The following LRRC7 variants were observed in gnomAD, a reference collection of about 807,000 sequenced individuals.
The protein encoded by LRRC7 is leucine-rich repeat-containing protein 7.
LRRC7 carries 23 observed loss-of-function variants against 175.7 expected under a neutral mutation model. The ratio of observed to expected loss-of-function variants is 0.13; its 90% CI spans 0.09 to 0.19. The LOEUF is 0.19. Ranked by LOEUF, LRRC7 falls within the 10% of genes least tolerant of loss-of-function variation. The pLI is 1.00. For missense variants in LRRC7, 1,354 were observed against 1,904.7 expected, an observed-to-expected ratio of 0.71 and a Z score of 5.38; for synonymous variants, 685 against 680.9, an observed-to-expected ratio of 1.01 and a Z score of -0.09.
chr1:70,094,769 G>A (rs1400820112), intron 25 of LRRC7, among the ~76,000 whole-genome samples: 1 of 152,002 alleles, frequency 6.6e-6, no homozygotes, highest in Admixed American at 6.6e-5. Flanking sequence ...GCGGGGCAAC[G>A]GCAAGTTCAA....
intron 22 of LRRC7, among the ~76,000 whole-genome samples, chr1:70,045,935 C>A (rs1660294368): frequency 6.6e-6 from 1 of 152,042 alleles, no homozygotes; most frequent in South Asian, 2.1e-4. Context: ...CTCCACCTGG[C>A]CCCACCCTTG....
intron 10 of LRRC7, among the ~76,000 whole-genome samples, chr1:69,990,388 A>T (rs1654324311): frequency 6.6e-6 from 1 of 152,132 alleles, no homozygotes. Context: ...GTCTAAGCAC[A>T]TATGATATAG....
chr1:69,612,040 T>G (rs1648843176), intron 1 of LRRC7, among the ~76,000 whole-genome samples: 1 of 152,112 alleles, frequency 6.6e-6, no homozygotes, highest in Non-Finnish European at 1.5e-5. Flanking sequence ...GGATCGACTG[T>G]AATTTCCTTC....
At chr1:69,813,556 A>C (rs1207952837) in intron 4 of LRRC7, among the ~76,000 whole-genome samples, 1 of 152,180 alleles carries the variant, frequency 6.6e-6, no homozygotes, top group Admixed American at 6.6e-5. Context: ...GAGAAGAAGC[A>C]TGTCTCATTT....
At chr1:69,689,801 T>C (rs1456871799) in intron 2 of LRRC7, among the ~76,000 whole-genome samples, 6 of 152,186 alleles carry the variant, frequency 3.9e-5, no homozygotes, top group Non-Finnish European at 7.4e-5. Flanking sequence ...ATACCTCGGG[T>C]TCCAGTTAAA....
chr1:69,989,588 ATGAGT>A, intron 10 of LRRC7, among the ~76,000 whole-genome samples: 1 of 152,152 alleles, frequency 6.6e-6, no homozygotes, highest in East Asian at 1.9e-4. Context: ...AATATTAAAA[ATGAGT>A]TAAGAGACAC....
At chr1:69,926,222 T>C (rs1422254621) in intron 7 of LRRC7, among the ~76,000 whole-genome samples, 3 of 134,378 alleles carry the variant, frequency 2.2e-5, no homozygotes, top group Non-Finnish European at 3.2e-5. Flanking sequence ...TACTTCCAAC[T>C]ATGTGGTCAA....
chr1:69,884,982 G>A (rs1339541936), intron 7 of LRRC7, among the ~76,000 whole-genome samples: 3 of 149,798 alleles, frequency 2.0e-5, no homozygotes, highest in Non-Finnish European at 4.4e-5. Context: ...GATCATGGTG[G>A]GTAAGCTTTT....
chr1:69,786,242 A>C (rs1674398893), intron 3 of LRRC7, among the ~76,000 whole-genome samples: 1 of 152,154 alleles, frequency 6.6e-6, no homozygotes, highest in Non-Finnish European at 1.5e-5. Context: ...GGGTTTAAAG[A>C]AGCCCCATAA....
At chr1:69,919,413 A>T (rs1646814097) in intron 7 of LRRC7, 1 of 777,054 alleles carries the variant, frequency 1.3e-6, no homozygotes, top group African/African-American at 1.7e-5. Flanking sequence ...GCCGCCCCTC[A>T]GGCCGAGGGT....
At chr1:69,925,047 G>A (rs994130564) in intron 7 of LRRC7, among the ~76,000 whole-genome samples, 35 of 152,176 alleles carry the variant, frequency 2.3e-4, no homozygotes, top group African/African-American at 7.0e-4. Flanking sequence ...TTCTGCATCT[G>A]TTGAGATAAT....
At chr1:69,943,573 G>A (rs928156282) in intron 8 of LRRC7, among the ~76,000 whole-genome samples, 1 of 152,080 alleles carries the variant, frequency 6.6e-6, no homozygotes, top group South Asian at 2.1e-4. Flanking sequence ...ACTCTAAAAG[G>A]GTGAATTTTA....
At chr1:70,081,044 T>C (rs1161661979) in intron 24 of LRRC7, among the ~76,000 whole-genome samples, 1 of 152,184 alleles carries the variant, frequency 6.6e-6, no homozygotes, top group Non-Finnish European at 1.5e-5. Flanking sequence ...TGAGGGGCTT[T>C]AAAAAACACT....
At chr1:69,735,315 C>T (rs1332513590) in intron 2 of LRRC7, among the ~76,000 whole-genome samples, 3 of 151,964 alleles carry the variant, frequency 2.0e-5, no homozygotes, top group Non-Finnish European at 2.9e-5. Context: ...CTCTGCATTT[C>T]TTCAATATGT....
At chr1:69,979,933 T>A (rs1653244254) in intron 8 of LRRC7, among the ~76,000 whole-genome samples, 1 of 152,026 alleles carries the variant, frequency 6.6e-6, no homozygotes, top group South Asian at 2.1e-4. Flanking sequence ...CATGGATGTT[T>A]GTGTGCAAGG....
chr1:69,718,299 G>T (rs551375643), intron 2 of LRRC7, among the ~76,000 whole-genome samples: 2 of 151,798 alleles, frequency 1.3e-5, no homozygotes, highest in East Asian at 1.9e-4. Context: ...GAATGTGGTA[G>T]AGGTAGAGAA....
At chr1:69,816,860 T>G (rs1678661004) in intron 4 of LRRC7, among the ~76,000 whole-genome samples, 1 of 152,084 alleles carries the variant, frequency 6.6e-6, no homozygotes, top group African/African-American at 2.4e-5. Context: ...AGAATTAGAC[T>G]TTTTTAGATT....
chr1:69,922,237 C>G (rs1646913083), intron 7 of LRRC7, among the ~76,000 whole-genome samples: 1 of 152,148 alleles, frequency 6.6e-6, no homozygotes, highest in East Asian at 1.9e-4. Flanking sequence ...ATTTTTCTTA[C>G]TATTCCTGCT....
Position 69,873,208 on chromosome 1 carries a change from G to T in LRRC7, c.647+34925G>T, listed in dbSNP as rs559424776. ...AAGTTTTGCTTGCTCCTTTCAGGGGGTGTGCATGTTTTTCGTCATCTGGCC... is the reference window on the plus strand; with the variant it reads ...AAGTTTTGCTTGCTCCTTTCAGGGGTTGTGCATGTTTTTCGTCATCTGGCC... On this transcript the variant is annotated intron_variant, in intron 7 of 26. Transcript: ENST00000651989. 3.3e-5 allele frequency among the ~76,000 whole-genome samples: 5 copies of T among 152,168 alleles called. No homozygotes were observed. The East Asian group carries it at 9.7e-4, about 29-fold the overall frequency.
Sources: gnomAD v4.1 joint callset for allele counts (sites outside exome capture counted in the v4.1 genomes callset) on GRCh38, gnomAD v4.1.1 for gene constraint, MANE v1.5 for transcripts, NCBI Gene and HGNC (gene_info 2026-07-23, HGNC 2026-07-21) for gene names.